ITPR1: variants seen among roughly 807,000 people sequenced by gnomAD.
The protein encoded by ITPR1 is inositol 1,4,5-trisphosphate-gated calcium channel ITPR1.
A neutral mutation model predicts 318.4 loss-of-function variants in ITPR1; 96 were observed. The ratio of observed to expected loss-of-function variants is 0.30; its 90% CI spans 0.26 to 0.36. The LOEUF (loss-of-function observed/expected upper bound fraction) is 0.36. ITPR1 is among the 10% of genes least tolerant of loss of function. ITPR1 has a pLI of 1.00. For missense variants in ITPR1, 2,440 were observed against 3,460.2 expected, an observed-to-expected ratio of 0.71 and a Z score of 7.40; for synonymous variants, 1,312 against 1,289.9, an observed-to-expected ratio of 1.02 and a Z score of -0.37.
At chr3:4,657,235 T>A (rs960133143) in intron 12 of ITPR1, among the ~76,000 whole-genome samples, 1 of 152,180 alleles carries the variant, frequency 6.6e-6, no homozygotes, top group East Asian at 1.9e-4. Context: ...AGGTTTATTT[T>A]GTTTTAGTTT....
At chr3:4,623,934 G>A (rs2092729618) in intron 4 of ITPR1, among the ~76,000 whole-genome samples, 3 of 152,190 alleles carry the variant, frequency 2.0e-5, no homozygotes, top group Non-Finnish European at 4.4e-5. Context: ...CAAGGCTTTG[G>A]TTGGATTGAT....
chr3:4,662,207 G>A lies in ITPR1; in HGVS notation c.1377G>A (p.Lys459=). ...ASKVLGSIAG[K]LEKGTITQNE... is the part of the protein sequence containing the mutation. ...AGGTGCTGGGCTCCATTGCTGGGAA[G>A]CTAGAGAAGGGCACCATCACCCAGA... is the stretch of plus-strand genomic sequence containing the variant. Residue 459 remains lysine, a synonymous_variant, in exon 15 of 62, where the codon AAG becomes AAA. Transcript: ENST00000649015. 1 of 1,611,982 alleles carries A rather than the reference G, an allele frequency of 6.2e-7. No individual in the cohort carries two copies. Among genetic ancestry groups the A allele is most frequent in the East Asian group, 2.2e-5 (1 of 44,828 alleles).
chr3:4,638,365 G>T (rs546594594), intron 5 of ITPR1, among the ~76,000 whole-genome samples: 1 of 152,304 alleles, frequency 6.6e-6, no homozygotes, highest in South Asian at 2.1e-4. Context: ...CTGACTGCCT[G>T]GGATGAAGCC....
intron 49 of ITPR1, among the ~76,000 whole-genome samples, chr3:4,780,624 G>A (rs540247765): frequency 6.6e-5 from 10 of 152,252 alleles, no homozygotes; most frequent in African/African-American, 1.9e-4. Context: ...GTGCACTTGG[G>A]GGCCAGGCAA....
rs140720953 is a variant in ITPR1 at position 4,526,854 on chromosome 3, A to C, written c.163+5760A>C. 4.1e-3 allele frequency among the ~76,000 whole-genome samples: 626 copies of C among 152,352 alleles called. 1 individual carries two copies. The highest frequency in any genetic ancestry group is 0.014 in the African/African-American group (595 of 41,568). On this transcript the variant is annotated intron_variant, in intron 4 of 61. Coordinates refer to ENST00000649015, the MANE Select transcript of ITPR1 (RefSeq NM_001378452.1). ...ATGAGGAAAGAGACATTCTCAAAGA[A>C]GTCTACATCAATATGTAGTGAAAAT...
At chr3:4,772,553 CT>C in intron 46 of ITPR1, among the ~76,000 whole-genome samples, 1 of 152,356 alleles carries the variant, frequency 6.6e-6, no homozygotes, top group East Asian at 1.9e-4. Context: ...GCTGGCTTTG[CT>C]TTTCCCCTGG....
chr3:4,632,269 A>G (rs951675726), intron 5 of ITPR1, among the ~76,000 whole-genome samples: 3 of 152,216 alleles, frequency 2.0e-5, no homozygotes, highest in African/African-American at 7.2e-5. Context: ...AGTTGTCCTC[A>G]CTTTGCTTTT....
intron 18 of ITPR1, among the ~76,000 whole-genome samples, chr3:4,668,902 T>G (rs2094011395): frequency 6.6e-6 from 1 of 152,244 alleles, no homozygotes; most frequent in Admixed American, 6.5e-5. Context: ...TTGTATCTCA[T>G]TCACACAGAT....
chr3:4,816,442 T>C (rs2049308515), intron 59 of ITPR1, among the ~76,000 whole-genome samples: 1 of 152,236 alleles, frequency 6.6e-6, no homozygotes, highest in African/African-American at 2.4e-5. Context: ...GTTCATCTTG[T>C]AACTAGTATC....
intron 33 of ITPR1, among the ~76,000 whole-genome samples, chr3:4,694,213 A>C (rs2094522406): frequency 6.6e-6 from 1 of 151,598 alleles, no homozygotes; most frequent in Non-Finnish European, 1.5e-5. Context: ...CTAAGTTTTG[A>C]AGTTAATCCT....
chr3:4,788,470 C>T (rs1383568730), intron 52 of ITPR1, among the ~76,000 whole-genome samples: 1 of 152,252 alleles, frequency 6.6e-6, no homozygotes, highest in African/African-American at 2.4e-5. Flanking sequence ...CTTGAGCTCA[C>T]AGGGTGGTTC....
chr3:4,511,457 C>T (rs1261836322), intron 2 of ITPR1, among the ~76,000 whole-genome samples: 1 of 152,190 alleles, frequency 6.6e-6, no homozygotes, highest in Non-Finnish European at 1.5e-5. Flanking sequence ...TTTGCCTTGG[C>T]CAAAGCCACC....
At chr3:4,539,704 T>C (rs907247939) in intron 4 of ITPR1, among the ~76,000 whole-genome samples, 2 of 152,080 alleles carry the variant, frequency 1.3e-5, no homozygotes, top group African/African-American at 4.8e-5. Context: ...AATGGGTTAA[T>C]GGATTAATGA....
chr3:4,747,901 G>T (rs888921847), intron 44 of ITPR1, among the ~76,000 whole-genome samples: 1 of 152,210 alleles, frequency 6.6e-6, no homozygotes, highest in Admixed American at 6.5e-5. Flanking sequence ...TTGGCATCAT[G>T]TGATGGTTAT....
rs1183072786 is a variant in ITPR1 at position 4,506,004 on chromosome 3, T to C, written c.-16-10472T>C. On this transcript the variant is annotated intron_variant, in intron 2 of 61. Coordinates refer to ENST00000649015, the MANE Select transcript of ITPR1 (RefSeq NM_001378452.1). The stretch of plus-strand genomic sequence containing the variant: ...TAGAACAGATTAGAAAGTAGAATTA[T>C]AACAGCCAATAGGAATGCTTCCTCC... 3.3e-5 allele frequency among the ~76,000 whole-genome samples: 5 copies of C among 152,348 alleles called. No homozygotes were observed. In the East Asian group the frequency reaches 9.6e-4, roughly 29 times the overall value.
intron 4 of ITPR1, among the ~76,000 whole-genome samples, chr3:4,571,899 A>T (rs989191262): frequency 6.6e-6 from 1 of 152,012 alleles, no homozygotes; most frequent in African/African-American, 2.4e-5. Context: ...CCCTACTCTT[A>T]TGACCCCTTG....
chr3:4,673,826 T>C (rs371540615), intron 21 of ITPR1, among the ~76,000 whole-genome samples: 1,735 of 152,024 alleles, frequency 0.011, 34 homozygotes, highest in Middle Eastern at 0.038. Context: ...TTGTGAGCCG[T>C]CCACCTCGGC....
chr3:4,604,336 G>T (rs2091533532), intron 4 of ITPR1, among the ~76,000 whole-genome samples: 2 of 152,132 alleles, frequency 1.3e-5, no homozygotes, highest in Admixed American at 1.3e-4. Flanking sequence ...CAGGTAGGCA[G>T]GATGGAAGTC....
intron 2 of ITPR1, among the ~76,000 whole-genome samples, chr3:4,495,338 A>G (rs1354534385): frequency 6.6e-6 from 1 of 152,158 alleles, no homozygotes; most frequent in African/African-American, 2.4e-5. Flanking sequence ...TTAACATTCT[A>G]AATATTTAGC....
Sources: gnomAD v4.1 joint callset for allele counts (sites outside exome capture counted in the v4.1 genomes callset) on GRCh38, gnomAD v4.1.1 for gene constraint, MANE v1.5 for transcripts, NCBI Gene and HGNC (gene_info 2026-07-23, HGNC 2026-07-21) for gene names.